CHSY3: variants seen among roughly 807,000 people sequenced by gnomAD.
The protein encoded by CHSY3 is N-acetylgalactosaminyl-proteoglycan 3-beta-glucuronosyltransferase 3.
In CHSY3, 35 loss-of-function variants were observed where a neutral mutation model predicts 67.2. The ratio of observed to expected loss-of-function variants is 0.52; its 90% confidence interval spans 0.40 to 0.69. CHSY3 has a LOEUF of 0.69. CHSY3 is among the 30% of genes least tolerant of loss of function. The pLI is 0.00. For missense variants in CHSY3, 1,069 were observed against 1,138.5 expected (o/e 0.94, Z 0.88); for synonymous variants, 474 against 434.7 (o/e 1.09, Z -1.12).
intron 2 of CHSY3, among the ~76,000 whole-genome samples, chr5:130,182,143 A>C (rs1036029713): frequency 6.6e-6 from 1 of 152,058 alleles, no homozygotes; most frequent in Non-Finnish European, 1.5e-5. Flanking sequence ...GAGAGTTCCA[A>C]ATTTTCCACT....
intron 2 of CHSY3, among the ~76,000 whole-genome samples, chr5:130,094,710 G>A (rs1296787953): frequency 6.6e-6 from 1 of 152,070 alleles, no homozygotes; most frequent in Non-Finnish European, 1.5e-5. Context: ...TGGCAGGGGG[G>A]TAGAACACAG....
chr5:129,912,077 CAAA>C (rs370164621), intron 2 of CHSY3, among the ~76,000 whole-genome samples: 1 of 151,888 alleles, frequency 6.6e-6, no homozygotes, highest in Non-Finnish European at 1.5e-5. Flanking sequence ...ACAACAACAA[CAAA>C]AAAACTTACT....
At chr5:129,981,105 C>T (rs1762971672) in intron 2 of CHSY3, among the ~76,000 whole-genome samples, 1 of 151,282 alleles carries the variant, frequency 6.6e-6, no homozygotes, top group East Asian at 2.0e-4. Flanking sequence ...CCTGTAGTCC[C>T]AGCTACTCTG....
intron 2 of CHSY3, among the ~76,000 whole-genome samples, chr5:129,962,932 C>T (rs768272009): frequency 7.9e-5 from 12 of 151,962 alleles, no homozygotes; most frequent in South Asian, 2.1e-4. Flanking sequence ...CATTCTGGAA[C>T]AGCCAACTTG....
intron 2 of CHSY3, among the ~76,000 whole-genome samples, chr5:130,160,320 A>G (rs1769493997): frequency 6.6e-6 from 1 of 152,058 alleles, no homozygotes; most frequent in Admixed American, 6.5e-5. Flanking sequence ...CTCACTACCA[A>G]ATCCTCAGTC....
At chr5:130,138,195 G>C (rs1377268042) in intron 2 of CHSY3, among the ~76,000 whole-genome samples, 5 of 152,186 alleles carry the variant, frequency 3.3e-5, no homozygotes, top group Non-Finnish European at 7.3e-5. Flanking sequence ...GGGCAGAAGT[G>C]TGGAGCAAAA....
intron 2 of CHSY3, among the ~76,000 whole-genome samples, chr5:130,054,190 G>A (rs1765455660): frequency 6.6e-6 from 1 of 151,984 alleles, no homozygotes; most frequent in African/African-American, 2.4e-5. Flanking sequence ...TTCTTTCGCT[G>A]TGCCCATTCT....
intron 2 of CHSY3, among the ~76,000 whole-genome samples, chr5:129,926,342 C>T (rs1761108866): frequency 6.6e-6 from 1 of 151,804 alleles, no homozygotes; most frequent in Non-Finnish European, 1.5e-5. Context: ...TTTGGTGTGC[C>T]AAATCTCTTA....
At chr5:129,922,797 C>A (rs1374057071) in intron 2 of CHSY3, among the ~76,000 whole-genome samples, 1 of 152,108 alleles carries the variant, frequency 6.6e-6, no homozygotes, top group East Asian at 1.9e-4. Context: ...TTTCTTTACA[C>A]TGTTAGCTGT....
intron 2 of CHSY3, among the ~76,000 whole-genome samples, chr5:130,097,188 C>T (rs1422634020): frequency 1.3e-5 from 2 of 152,212 alleles, no homozygotes; most frequent in East Asian, 1.9e-4. Context: ...CTTACAGAAT[C>T]GCCCCTCCAG....
At chr5:130,123,574 G>A (rs749788786) in intron 2 of CHSY3, among the ~76,000 whole-genome samples, 11 of 152,124 alleles carry the variant, frequency 7.2e-5, no homozygotes, top group East Asian at 1.9e-4. Context: ...CCTGCTGTGC[G>A]GCCAGGTTCC....
intron 2 of CHSY3, among the ~76,000 whole-genome samples, chr5:130,102,001 CATG>C (rs903812578): frequency 2.6e-5 from 4 of 152,090 alleles, no homozygotes; most frequent in African/African-American, 9.7e-5. Context: ...AAAACTGTAT[CATG>C]AAAAACAACA....
At chr5:130,071,341 C>T (rs1766058727) in intron 2 of CHSY3, among the ~76,000 whole-genome samples, 1 of 151,986 alleles carries the variant, frequency 6.6e-6, no homozygotes, top group African/African-American at 2.4e-5. Context: ...GAAGGTTTCA[C>T]ATGCAAAATA....
At chr5:130,169,728 GGCTTTTGCTTTA>G (rs1489843609) in intron 2 of CHSY3, among the ~76,000 whole-genome samples, 18 of 150,326 alleles carry the variant, frequency 1.2e-4, no homozygotes, top group Non-Finnish European at 2.4e-4. Flanking sequence ...TCCAACCTTT[GGCTTTTGCTTTA>G]GCACATTAGT....
At chr5:130,021,058 A>G (rs1764376015) in intron 2 of CHSY3, among the ~76,000 whole-genome samples, 2 of 152,206 alleles carry the variant, frequency 1.3e-5, no homozygotes, top group African/African-American at 4.8e-5. Context: ...CAAGATGGTA[A>G]AAATTGGAGA....
At chr5:130,041,530 A>G (rs1458046963) in intron 2 of CHSY3, among the ~76,000 whole-genome samples, 1 of 152,172 alleles carries the variant, frequency 6.6e-6, no homozygotes, top group Non-Finnish European at 1.5e-5. Context: ...TAGGTTACTT[A>G]GCACTAGTCA....
At chr5:130,007,234 G>C (rs544464205) in intron 2 of CHSY3, among the ~76,000 whole-genome samples, 1 of 152,222 alleles carries the variant, frequency 6.6e-6, no homozygotes, top group South Asian at 2.1e-4. Flanking sequence ...ATGTTGTTTT[G>C]TCACTGCTGT....
At chr5:130,064,294 C>T (rs1458999406) in intron 2 of CHSY3, among the ~76,000 whole-genome samples, 1 of 152,056 alleles carries the variant, frequency 6.6e-6, no homozygotes, top group African/African-American at 2.4e-5. Context: ...TCTCTCCTGT[C>T]CCCACAGGAG....
At chr5:130,074,065 T>C (rs746622006) in intron 2 of CHSY3, among the ~76,000 whole-genome samples, 3 of 146,752 alleles carry the variant, frequency 2.0e-5, no homozygotes, top group Non-Finnish European at 2.9e-5. Context: ...ATACAAGTTA[T>C]TTTTTTGTTT....
Sources: allele counts gnomAD v4.1 joint callset (sites outside exome capture counted in the v4.1 genomes callset), GRCh38; gene constraint gnomAD v4.1.1; transcripts MANE v1.5; gene names NCBI Gene and HGNC (gene_info 2026-07-23, HGNC 2026-07-21).